The following CEP128 variants were observed in gnomAD, a reference collection of about 807,000 sequenced individuals.
CEP128 encodes centrosomal protein 128kDa.
A neutral mutation model predicts 156.7 loss-of-function variants in CEP128; 132 were observed. The observed-to-expected ratio is 0.84, with a 90% confidence interval of 0.73 to 0.97. CEP128 has a LOEUF of 0.97. Among genes scored for constraint, CEP128 ranks in the 50% least tolerant of loss-of-function variants. The pLI is 0.00. For missense variants in CEP128, 1,252 were observed against 1,281.9 expected (o/e 0.98, Z 0.36); for synonymous variants, 469 against 448.9 (o/e 1.04, Z -0.57).
intron 18 of CEP128, among the ~76,000 whole-genome samples, chr14:80,744,763 T>C (rs1284617498): frequency 6.6e-6 from 1 of 152,198 alleles, no homozygotes; most frequent in Non-Finnish European, 1.5e-5. Flanking sequence ...CTTGCAGCTC[T>C]GATTTGCATA....
rs139517998 is a variant in CEP128, at chr14:80,644,426, G to A, written c.2807-64003C>T. ...AAGTAGGGCCTGCAAAAGCAAGGAA[G>A]GACACAAGCCAGTAAGACATGGGTG... On this transcript the variant is annotated intron_variant, in intron 19 of 24. Transcript: ENST00000555265. Among the ~76,000 whole-genome samples, 122 of 152,254 alleles carry A rather than the reference G, an allele frequency of 8.0e-4. 1 individual carries two copies. In the East Asian group the frequency reaches 0.023, roughly 28 times the overall value.
intron 19 of CEP128, among the ~76,000 whole-genome samples, chr14:80,649,956 G>A (rs1386154668): frequency 6.6e-6 from 1 of 152,144 alleles, no homozygotes; most frequent in African/African-American, 2.4e-5. Context: ...TGTGAAGAGA[G>A]TCAATGGTAG....
chr14:80,896,264 C>T (rs1423741252), intron 7 of CEP128, among the ~76,000 whole-genome samples: 2 of 152,272 alleles, frequency 1.3e-5, no homozygotes, highest in Middle Eastern at 3.4e-3. Context: ...AACCGACCTC[C>T]CATTACCTTG....
At chr14:80,928,385 A>C (rs1391584671) in intron 2 of CEP128, among the ~76,000 whole-genome samples, 1 of 152,178 alleles carries the variant, frequency 6.6e-6, no homozygotes, top group Non-Finnish European at 1.5e-5. Context: ...AACATAAAGA[A>C]ATTAATGAAA....
At position 80,513,971 on chromosome 14, in the gene CEP128, CT is replaced by C. The variant is rs199759865; in HGVS notation, c.3073-8952del. Among the ~76,000 whole-genome samples, 1,082 of 152,272 alleles carry C rather than the reference CT, an allele frequency of 7.1e-3. 20 individuals are homozygous for C. The highest frequency in any genetic ancestry group is 0.025 in the African/African-American group (1,023 of 41,558). On this transcript the variant is annotated intron_variant, in intron 23 of 24. Transcript: ENST00000555265. ...TAAAAGCCTAGCACCTTTTAACGAT[CT>C]GAATAGGAAATACTTGTCATCTATT... is the stretch of plus-strand genomic sequence containing the variant.
chr14:80,688,970 GT>G (rs1232942542), intron 19 of CEP128, among the ~76,000 whole-genome samples: 1 of 152,084 alleles, frequency 6.6e-6, no homozygotes, highest in African/African-American at 2.4e-5. Flanking sequence ...AAATAGTTAA[GT>G]TTTTCTAAGC....
chr14:80,777,528 G>A (rs1412361371), intron 16 of CEP128, among the ~76,000 whole-genome samples: 1 of 152,204 alleles, frequency 6.6e-6, no homozygotes, highest in Non-Finnish European at 1.5e-5. Flanking sequence ...AACTCAAAGA[G>A]TTGTAAGACT....
Position 80,687,503 on chromosome 14 carries a change from A to T in CEP128, c.2806+55572T>A, listed in dbSNP as rs531095300. Among the ~76,000 whole-genome samples, 14 of 152,212 alleles carry T rather than the reference A, an allele frequency of 9.2e-5. No homozygotes were observed. In the South Asian group the frequency reaches 2.7e-3, roughly 29 times the overall value. ...AGTAACAGAAAACCAAATACCTCATATTCCCACTTGTAAGTGGGAGCTAAA... is the reference window on the plus strand; with the variant it reads ...AGTAACAGAAAACCAAATACCTCATTTTCCCACTTGTAAGTGGGAGCTAAA... On this transcript the variant is annotated intron_variant, in intron 19 of 24. Coordinates refer to ENST00000555265, the MANE Select transcript of CEP128 (RefSeq NM_152446.5).
intron 19 of CEP128, among the ~76,000 whole-genome samples, chr14:80,638,110 C>T (rs1402406465): frequency 1.3e-5 from 2 of 152,196 alleles, no homozygotes; most frequent in Non-Finnish European, 1.5e-5. Flanking sequence ...TAAACGAATA[C>T]ACTCTCCTTT....
intron 19 of CEP128, among the ~76,000 whole-genome samples, chr14:80,611,148 T>A (rs1892979305): frequency 6.6e-6 from 1 of 152,082 alleles, no homozygotes; most frequent in South Asian, 2.1e-4. Flanking sequence ...AAAACATATT[T>A]ATTGAGAACC....
At chr14:80,521,798 G>A (rs538569668) in intron 23 of CEP128, among the ~76,000 whole-genome samples, 6 of 152,200 alleles carry the variant, frequency 3.9e-5, no homozygotes, top group South Asian at 2.1e-4. Flanking sequence ...CTGGAGTCCC[G>A]GCAGTGCTTG....
At chr14:80,754,632 T>C (rs1235670935) in intron 18 of CEP128, among the ~76,000 whole-genome samples, 1 of 149,398 alleles carries the variant, frequency 6.7e-6, no homozygotes, top group African/African-American at 2.6e-5. Context: ...CCGGCTAATT[T>C]TTTGTATTTT....
At chr14:80,593,555 AAAAAAAAAAAG>A (rs1892177961) in intron 19 of CEP128, among the ~76,000 whole-genome samples, 1 of 151,126 alleles carries the variant, frequency 6.6e-6, no homozygotes, top group Non-Finnish European at 1.5e-5. Flanking sequence ...TCAAAAAAAA[AAAAAAAAAAAG>A]AAAACCCCAT....
intron 21 of CEP128, among the ~76,000 whole-genome samples, chr14:80,551,742 G>T (rs532121897): frequency 1.6e-4 from 25 of 152,242 alleles, no homozygotes; most frequent in Admixed American, 1.6e-3. Flanking sequence ...AAGAGGTGAG[G>T]TTATTAAATA....
intron 8 of CEP128, among the ~76,000 whole-genome samples, chr14:80,889,381 T>C (rs977034503): frequency 6.6e-6 from 1 of 152,144 alleles, no homozygotes; most frequent in Non-Finnish European, 1.5e-5. Flanking sequence ...CGAACTATAC[T>C]ACAAGGCTAC....
At chr14:80,662,693 G>T (rs1192083195) in intron 19 of CEP128, among the ~76,000 whole-genome samples, 1 of 152,096 alleles carries the variant, frequency 6.6e-6, no homozygotes. Flanking sequence ...CAGACAATGG[G>T]ATAACATATC....
At chr14:80,594,954 C>T (rs1161942274) in intron 19 of CEP128, among the ~76,000 whole-genome samples, 3 of 152,160 alleles carry the variant, frequency 2.0e-5, no homozygotes, top group Non-Finnish European at 4.4e-5. Flanking sequence ...TATCATTTGA[C>T]CCAGCAATCC....
intron 19 of CEP128, among the ~76,000 whole-genome samples, chr14:80,710,412 A>G (rs1252898811): frequency 6.6e-6 from 1 of 152,148 alleles, no homozygotes; most frequent in African/African-American, 2.4e-5. Flanking sequence ...TTTGGTGTCA[A>G]CTGAATTCAT....
At chr14:80,494,993 C>T (rs528002445), downstream of CEP128, among the ~76,000 whole-genome samples, 46 of 152,248 alleles carry the variant, frequency 3.0e-4, no homozygotes, top group Admixed American at 5.2e-4. Context: ...TGTTTCTCCC[C>T]CTGTAGCCTT....
Sources: gnomAD v4.1 joint callset for allele counts (sites outside exome capture counted in the v4.1 genomes callset) on GRCh38, gnomAD v4.1.1 for gene constraint, MANE v1.5 for transcripts, NCBI Gene and HGNC (gene_info 2026-07-23, HGNC 2026-07-21) for gene names.